PTH2R: variants seen among roughly 807,000 people sequenced by gnomAD.
PTH2R encodes the protein parathyroid hormone 2 receptor, also known as PTH2 receptor.
Under a neutral mutation model 60.3 loss-of-function variants are expected in PTH2R, and 59 were observed. The observed-to-expected ratio is 0.98, with a 90% CI of 0.79 to 1.22. The LOEUF (loss-of-function observed/expected upper bound fraction) is 1.22, where lower values mean the gene tolerates loss of function less well. PTH2R is among the 50% of genes most tolerant of loss of function. PTH2R has a pLI of 0.00. For synonymous variants in PTH2R, 256 were observed against 243.8 expected, an observed-to-expected ratio of 1.05 and a Z score of -0.47; for missense variants, 749 against 682.6, an observed-to-expected ratio of 1.10 and a Z score of -1.08.
Position 208,493,521 on chromosome 2 carries a change from G to A in PTH2R, c.1515G>A (p.Leu505=). Residue 505 remains leucine, a synonymous_variant, in exon 13 of 13, where the codon CTG becomes CTA. Coordinates refer to ENST00000272847, the MANE Select transcript of PTH2R (RefSeq NM_005048.4). The stretch of plus-strand genomic sequence containing the variant: ...GGAGTAACTCAGAGCAGGACTGCCT[G>A]CCACACTCTTTCCACGAGGAGACCA... ...YVWSNSEQDC[L]PHSFHEETKE... 2 of 1,613,846 alleles carry A rather than the reference G, an allele frequency of 1.2e-6. No individual in the cohort carries two copies. The highest frequency in any genetic ancestry group is 1.7e-6 in the Non-Finnish European group (2 of 1,179,858).
chr2:208,373,932 C>A (rs1372974417), intron 1 of PTH2R, among the ~76,000 whole-genome samples: 2 of 152,014 alleles, frequency 1.3e-5, no homozygotes, highest in Admixed American at 1.3e-4. Flanking sequence ...GCACTAAAAG[C>A]TTTTTACTTG....
At chr2:208,365,797 G>A (rs1192739401) in intron 1 of PTH2R, among the ~76,000 whole-genome samples, 1 of 142,978 alleles carries the variant, frequency 7.0e-6, no homozygotes, top group Non-Finnish European at 1.5e-5. Flanking sequence ...GGAGTGCAGC[G>A]GCACAATCAT....
At chr2:208,386,921 G>T (rs563056037) in intron 1 of PTH2R, among the ~76,000 whole-genome samples, 54 of 152,302 alleles carry the variant, frequency 3.5e-4, no homozygotes, top group Middle Eastern at 6.8e-3. Flanking sequence ...CAAACATTCA[G>T]CTCATAACAG....
At chr2:208,485,723 T>A (rs1228046152) in intron 10 of PTH2R, among the ~76,000 whole-genome samples, 1 of 152,160 alleles carries the variant, frequency 6.6e-6, no homozygotes, top group Non-Finnish European at 1.5e-5. Flanking sequence ...TTCCTGCCCA[T>A]GGGTGTATAA....
intron 7 of PTH2R, among the ~76,000 whole-genome samples, chr2:208,449,784 A>T (rs556060712): frequency 6.6e-6 from 1 of 152,116 alleles, no homozygotes; most frequent in Non-Finnish European, 1.5e-5. Flanking sequence ...AAAAATTACA[A>T]TTTTTTTAAA....
chr2:208,448,382 C>A (rs527788017), intron 7 of PTH2R, among the ~76,000 whole-genome samples: 1 of 151,638 alleles, frequency 6.6e-6, no homozygotes, highest in East Asian at 1.9e-4. Context: ...TTTGTATTGA[C>A]GTGTCTTATG....
At chr2:208,412,365 T>C (rs1701556643) in intron 1 of PTH2R, among the ~76,000 whole-genome samples, 1 of 152,226 alleles carries the variant, frequency 6.6e-6, no homozygotes, top group Non-Finnish European at 1.5e-5. Context: ...CATTGGCCAC[T>C]GCTGCTATTA....
At chr2:208,451,307 A>T (rs771368885) in intron 8 of PTH2R, among the ~76,000 whole-genome samples, 6 of 152,126 alleles carry the variant, frequency 3.9e-5, no homozygotes, top group Non-Finnish European at 5.9e-5. Flanking sequence ...ACTTCCTCAT[A>T]GAGATGGAGA....
chr2:208,476,809 T>G (rs1703014870), intron 9 of PTH2R, among the ~76,000 whole-genome samples: 1 of 152,072 alleles, frequency 6.6e-6, no homozygotes, highest in South Asian at 2.1e-4. Flanking sequence ...GGGTGGATGA[T>G]GTGACCCTAG....
chr2:208,493,919 C>CG lies in PTH2R; in HGVS notation c.*260_*261insG, dbSNP rs1703471818. ...GTATGGTATTTGCTCTGTGATTGTT[C>CG]ATTTTTTTCTGCTACTTTTGGGTAG... On this transcript the variant is annotated 3_prime_UTR_variant, in exon 13 of 13. Transcript: ENST00000272847. 7.3e-5 allele frequency: 20 copies of CG among 273,486 alleles called. 2 individuals carry two copies. The South Asian group carries it at 4.0e-3, about 54-fold the overall frequency. 16.9% of individuals were successfully genotyped at this position (273,486 alleles called of 1,614,324 possible). A position where few individuals can be genotyped will look rare whatever the true frequency, so the allele number is the denominator to read the frequency against.
intron 1 of PTH2R, among the ~76,000 whole-genome samples, chr2:208,420,267 C>A (rs1701727862): frequency 6.6e-6 from 1 of 150,646 alleles, no homozygotes; most frequent in African/African-American, 2.4e-5. Flanking sequence ...CACATGTACC[C>A]TAAAACTTAA....
chr2:208,457,933 A>G (rs540836321), intron 8 of PTH2R, among the ~76,000 whole-genome samples: 1 of 152,328 alleles, frequency 6.6e-6, no homozygotes, highest in East Asian at 1.9e-4. Flanking sequence ...ATTATCTAGA[A>G]TTAAAAAACT....
chr2:208,365,628 A>T (rs1219109476), intron 1 of PTH2R, among the ~76,000 whole-genome samples: 1 of 149,624 alleles, frequency 6.7e-6, no homozygotes, highest in Non-Finnish European at 1.5e-5. Flanking sequence ...GTAATTATTT[A>T]TTTTTTCTTG....
chr2:208,410,198 C>T (rs954505181), intron 1 of PTH2R, among the ~76,000 whole-genome samples: 1 of 152,070 alleles, frequency 6.6e-6, no homozygotes, highest in Non-Finnish European at 1.5e-5. Context: ...TGCTACTTGC[C>T]AAGTACCAAA....
intron 1 of PTH2R, among the ~76,000 whole-genome samples, chr2:208,365,960 A>ATATTTT (rs1700583520): frequency 6.2e-5 from 1 of 16,112 alleles, no homozygotes; most frequent in Non-Finnish European, 1.0e-4. Flanking sequence ...ATATATATAT[A>ATATTTT]TTTTTTTTTT....
chr2:208,464,375 G>A (rs947042914), intron 9 of PTH2R, among the ~76,000 whole-genome samples: 1 of 152,216 alleles, frequency 6.6e-6, no homozygotes, highest in Non-Finnish European at 1.5e-5. Context: ...CAGGCAGACA[G>A]TAAGTTAGCA....
intron 1 of PTH2R, among the ~76,000 whole-genome samples, chr2:208,374,082 T>G (rs538238935): frequency 7.9e-5 from 12 of 151,806 alleles, no homozygotes; most frequent in Non-Finnish European, 1.5e-4. Context: ...TTTAAGGACA[T>G]TAAGTGGGAG....
chr2:208,401,051 A>G (rs934086150), intron 1 of PTH2R, among the ~76,000 whole-genome samples: 1 of 152,210 alleles, frequency 6.6e-6, no homozygotes, highest in Non-Finnish European at 1.5e-5. Flanking sequence ...ATGTGAATAC[A>G]TTGGTTGTAT....
intron 4 of PTH2R, 148 bp downstream of exon 4, chr2:208,438,029 C>A: frequency 9.4e-7 from 1 of 1,066,056 alleles, no homozygotes; most frequent in East Asian, 2.6e-5. Flanking sequence ...GCAATCTTTT[C>A]AGATGCATAT....
Sources: allele counts gnomAD v4.1 joint callset (sites outside exome capture counted in the v4.1 genomes callset), GRCh38; gene constraint gnomAD v4.1.1; transcripts MANE v1.5; gene names NCBI Gene and HGNC (gene_info 2026-07-23, HGNC 2026-07-21).